Variants in ITPA observed in about 807,000 individuals in gnomAD.
The protein encoded by ITPA is inosine triphosphate pyrophosphatase.
In ITPA, 29 loss-of-function variants were observed where a neutral mutation model predicts 29.6. The ratio of observed to expected loss-of-function variants is 0.98; its 90% confidence interval spans 0.73 to 1.34. The LOEUF (loss-of-function observed/expected upper bound fraction) is 1.34. ITPA is among the 40% of genes most tolerant of loss of function. The probability of loss-of-function intolerance (pLI) is 0.00; values close to 1 mark genes in which losing one functional copy is unlikely to be tolerated. For synonymous variants in ITPA, 103 were observed against 99.3 expected, an observed-to-expected ratio of 1.04 and a Z score of -0.22; for missense variants, 241 against 251.5, an observed-to-expected ratio of 0.96 and a Z score of 0.28.
Position 3,221,917 on chromosome 20 carries a change from C to G in ITPA, c.488C>G (p.Thr163Arg). The G allele has an allele frequency of 2.5e-6, 4 of 1,613,582 alleles. No homozygotes were observed. The highest frequency in any genetic ancestry group is 3.4e-6 in the Non-Finnish European group (4 of 1,179,820). The part of the protein sequence containing the change: ...PCFQPDGYEQ[T>R]YAEMPKAEKN... ...TTTCAGCCTGATGGATATGAGCAGA[C>G]GTAAGGAGCCCTGCTTTTCTTCCCT... The change falls in exon 7 of 8, where the codon ACG becomes AGG. Residue 163 changes from threonine to arginine, a missense_variant and splice_region_variant. Transcript: ENST00000380113.
rs767169925 is a variant in ITPA, at chr20:3,215,251, G to A, written c.264-30G>A. 22 of 1,611,902 alleles carry A rather than the reference G, an allele frequency of 1.4e-5. 1 individual carries two copies. In the South Asian group the frequency reaches 2.0e-4, roughly 14 times the overall value. On this transcript the variant is annotated intron_variant, in intron 4 of 7. Transcript: ENST00000380113. ...TGGTAAGAAGATCCAGCTGCTCCTG[G>A]TGTCTGACTGTCCTTTCTTTCTCTT...
chr20:3,218,530 C>G lies in ITPA; in HGVS notation c.309C>G (p.Leu103=). ...GCCCACCCGCAGGTCTCCACCAGCT[C>G]CTGGCCGGGTTCGAGGACAAGTCAG... ...EKLKPEGLHQ[L]LAGFEDKSAY... Residue 103 remains leucine, a synonymous_variant, in exon 6 of 8, where the codon CTC becomes CTG. Coordinates refer to ENST00000380113, the MANE Select transcript of ITPA (RefSeq NM_033453.4). The G allele has an allele frequency of 9.9e-6, 16 of 1,613,844 alleles. No homozygotes were observed. The highest frequency in any genetic ancestry group is 1.4e-5 in the Non-Finnish European group (16 of 1,179,940).
At chr20:3,221,731 A>G (rs1321626874) in intron 6 of ITPA, 110 bp from the exon 7 acceptor site, 1 of 1,001,000 alleles carries the variant, frequency 1.0e-6, no homozygotes, top group Non-Finnish European at 1.6e-6. Flanking sequence ...ATTTTGCGTA[A>G]GTTGGGTCAA....
At chr20:3,204,680 T>C (rs2067058800), upstream of ITPA, 8 of 1,514,596 alleles carry the variant, frequency 5.3e-6, no homozygotes, top group South Asian at 8.4e-5. Context: ...CGGGATCTCA[T>C]AGGCCCCGCC....
At chr20:3,222,005 T>C in intron 7 of ITPA, 88 bp downstream of exon 7, 1 of 1,272,102 alleles carries the variant, frequency 7.9e-7, no homozygotes, top group Admixed American at 1.7e-5. Flanking sequence ...AGTGCAGGCA[T>C]GCGGATATGG....
In ITPA at chr20:3,216,157, G is replaced by GTTTTTTTT. The variant is rs71331043; in HGVS notation, c.295+858_295+865dup. The stretch of plus-strand genomic sequence containing the variant: ...AGGCATGCGCCAGCACGCTGGCTAA[G>GTTTTTTTT]TTTTTTTTTTTTTTTTTTTTGAGAC... On this transcript the variant is annotated intron_variant, in intron 5 of 7. Transcript: ENST00000380113. Among the ~76,000 whole-genome samples the GTTTTTTTT allele has an allele frequency of 1.7e-4, 19 of 109,246 alleles. 1 individual carries two copies. Among genetic ancestry groups the GTTTTTTTT allele is most frequent in the African/African-American group, 6.9e-4 (18 of 26,104 alleles). 71.7% of individuals were successfully genotyped at this position (109,246 alleles called of 152,430 possible).
chr20:3,206,997 G>C (rs1297168498), upstream of ITPA, among the ~76,000 whole-genome samples: 2 of 152,090 alleles, frequency 1.3e-5, no homozygotes, highest in Non-Finnish European at 2.9e-5. Context: ...CTGGGCAACA[G>C]AGCAAGACTC....
In ITPA at chr20:3,209,761, G is replaced by T; in HGVS notation, c.66+144G>T. 1.4e-6 allele frequency: 1 copy of T among 709,136 alleles called. No homozygotes were observed. The allele number at this position is 709,136 out of a possible 1,614,324, so 43.9% of individuals were successfully genotyped here. A position where few individuals can be genotyped will look rare whatever the true frequency, so the allele number is the denominator to read the frequency against. On this transcript the variant is annotated intron_variant, in intron 1 of 7. Coordinates refer to ENST00000380113, the MANE Select transcript of ITPA (RefSeq NM_033453.4). This position sits in a 1 kb window ranked among gnomAD's most constrained non-coding sequence, Gnocchi z 4.6. ...GAAGAATGGGTCCTGACCCGGCTGTGTGGAAAAGCTGGGGCGCAAGAAGGG... is the reference window on the plus strand; with the variant it reads ...GAAGAATGGGTCCTGACCCGGCTGTTTGGAAAAGCTGGGGCGCAAGAAGGG...
upstream of ITPA, among the ~76,000 whole-genome samples, chr20:3,206,383 GTC>G (rs2067070411): frequency 1.2e-5 from 1 of 83,572 alleles, no homozygotes; most frequent in East Asian, 4.1e-4. Flanking sequence ...GTGAGACTCA[GTC>G]TCAAAAAAAA....
chr20:3,214,674 G>C (rs2067253559), intron 4 of ITPA, among the ~76,000 whole-genome samples: 1 of 151,910 alleles, frequency 6.6e-6, no homozygotes, highest in African/African-American at 2.4e-5. Flanking sequence ...CTGCCTCCCG[G>C]GTTCACGCCA....
rs367746086 is a variant in ITPA at position 3,209,622 on chromosome 20, C to T, written c.66+5C>T. On this transcript the variant is annotated splice_donor_5th_base_variant and intron_variant, in intron 1 of 7. Coordinates refer to ENST00000380113, the MANE Select transcript of ITPA (RefSeq NM_033453.4). The surrounding 1 kb of genome is among the most constrained non-coding windows in gnomAD (Gnocchi z 4.6). ...AACGCCAAGAAGCTGGAGGAGGTGCCGGGAGGGTGTTGGGGGCTAACTGGG... is the reference window on the plus strand; with the variant it reads ...AACGCCAAGAAGCTGGAGGAGGTGCTGGGAGGGTGTTGGGGGCTAACTGGG... 26 of 1,613,474 alleles carry T rather than the reference C, an allele frequency of 1.6e-5. No individual in the cohort carries two copies. In the African/African-American group the frequency reaches 3.1e-4, roughly 19 times the overall value.
chr20:3,226,831 CCT>C (rs2067559032), downstream of ITPA, among the ~76,000 whole-genome samples: 1 of 152,126 alleles, frequency 6.6e-6, no homozygotes, highest in East Asian at 1.9e-4. This position sits in a 1 kb window ranked among gnomAD's most constrained non-coding sequence, Gnocchi z 4.4. Context: ...AGCCATATTC[CCT>C]GTTGTCGGCT....
At chr20:3,219,098 C>T (rs2067391051) in intron 6 of ITPA, 1 of 165,494 alleles carries the variant, frequency 6.0e-6, no homozygotes, top group Non-Finnish European at 1.3e-5. Context: ...ATAGCCCAGA[C>T]TTCTCTAACC....
intron 7 of ITPA, 114 bp from the exon 8 acceptor site, chr20:3,223,252 C>T: frequency 1.9e-5 from 15 of 804,110 alleles, no homozygotes; most frequent in South Asian, 5.8e-5. Flanking sequence ...CCCCACTCCC[C>T]TTTCCTTGGG....
At chr20:3,225,222 T>G (rs2067542391), downstream of ITPA, among the ~76,000 whole-genome samples, 1 of 152,104 alleles carries the variant, frequency 6.6e-6, no homozygotes, top group Non-Finnish European at 1.5e-5. Flanking sequence ...AACATGTGTA[T>G]TTGGTCTTTG....
chr20:3,219,047 T>A, intron 6 of ITPA: 1 of 218,050 alleles, frequency 4.6e-6, no homozygotes, highest in Non-Finnish European at 9.4e-6. Context: ...TTTATTTATT[T>A]TTTGTTAGTG....
intron 6 of ITPA, among the ~76,000 whole-genome samples, chr20:3,219,379 C>T (rs931643290): frequency 3.3e-5 from 5 of 151,728 alleles, no homozygotes; most frequent in Admixed American, 2.0e-4. Flanking sequence ...GAGGCCCCAG[C>T]GGGAGGCTTT....
chr20:3,208,125 G>A (rs2067096520), upstream of ITPA, among the ~76,000 whole-genome samples: 1 of 152,050 alleles, frequency 6.6e-6, no homozygotes, highest in Non-Finnish European at 1.5e-5. Flanking sequence ...TCAGTGCTAT[G>A]CAAGCAGATG....
chr20:3,208,192 G>A (rs2067097497), upstream of ITPA, among the ~76,000 whole-genome samples: 1 of 151,982 alleles, frequency 6.6e-6, no homozygotes, highest in South Asian at 2.1e-4. Flanking sequence ...TAAGATCCAA[G>A]AAAGGCATCC....
Sources: allele counts gnomAD v4.1 joint callset (sites outside exome capture counted in the v4.1 genomes callset), GRCh38; gene constraint gnomAD v4.1.1; non-coding constraint Gnocchi (gnomAD v3.1); transcripts MANE v1.5; gene names NCBI Gene and HGNC (gene_info 2026-07-23, HGNC 2026-07-21).